NADSYN1: variants seen among roughly 807,000 people sequenced by gnomAD.
The protein encoded by NADSYN1 is NAD synthetase 1.
NADSYN1 carries 80 observed loss-of-function variants against 99.3 expected under a neutral mutation model. The ratio of observed to expected loss-of-function variants is 0.81; its 90% CI spans 0.67 to 0.97. The LOEUF (loss-of-function observed/expected upper bound fraction) is 0.97. Ranked by LOEUF, NADSYN1 falls within the 50% of genes least tolerant of loss-of-function variation. The pLI, the probability that NADSYN1 is intolerant of heterozygous loss-of-function variation, is 0.00. For synonymous variants in NADSYN1, 385 were observed against 372.1 expected (o/e 1.03, Z -0.40); for missense variants, 859 against 948.5 (o/e 0.91, Z 1.24).
At chr11:71,457,360 G>A (rs935404859) in intron 2 of NADSYN1, among the ~76,000 whole-genome samples, 2 of 152,248 alleles carry the variant, frequency 1.3e-5, no homozygotes, top group Admixed American at 1.3e-4. Flanking sequence ...TGGGGTTTAT[G>A]CAGGTGTGTG....
At chr11:71,454,310 C>T (rs1949499304) in intron 1 of NADSYN1, among the ~76,000 whole-genome samples, 1 of 152,232 alleles carries the variant, frequency 6.6e-6, no homozygotes, top group Non-Finnish European at 1.5e-5. Context: ...CTCCTGGGCT[C>T]AAGCGATTCT....
rs1272590102 is a variant in NADSYN1 at position 71,474,428 on chromosome 11, G to A, written c.700G>A (p.Gly234Ser). Residue 234 changes from glycine to serine, a missense_variant, in exon 9 of 21, where the codon GGT (glycine) becomes AGT (serine). By Grantham distance (56) the Gly-to-Ser change is moderately conservative (BLOSUM62 0). Transcript: ENST00000319023. ...GGIYLLANQK[G>S]CDGDRLYYDG... ...GATTTACTTGCTGGCCAACCAGAAG[G>A]GTTGTGACGGGGACCGCCTGTACTA... 2.5e-6 allele frequency: 4 copies of A among 1,614,198 alleles called. No homozygotes were observed. Among genetic ancestry groups the A allele is most frequent in the East Asian group, 2.2e-5 (1 of 44,876 alleles).
intron 16 of NADSYN1, among the ~76,000 whole-genome samples, chr11:71,489,954 T>C (rs1402086330): frequency 6.6e-6 from 1 of 152,164 alleles, no homozygotes; most frequent in African/African-American, 2.4e-5. Context: ...CCTGGAGGCC[T>C]GCACCAGCGT....
intron 15 of NADSYN1, chr11:71,485,321 G>A: frequency 2.8e-6 from 1 of 361,784 alleles, no homozygotes. Flanking sequence ...TCCCATCTTT[G>A]AAGGCAAGGC....
At chr11:71,476,904 C>T (rs1198737688) in intron 9 of NADSYN1, 5 of 987,146 alleles carry the variant, frequency 5.1e-6, no homozygotes, top group Non-Finnish European at 6.0e-6. Flanking sequence ...ATCCGGGAGC[C>T]GTTGCCTTAC....
intron 3 of NADSYN1, among the ~76,000 whole-genome samples, chr11:71,461,578 A>G (rs1315848601): frequency 6.6e-6 from 1 of 151,908 alleles, no homozygotes; most frequent in East Asian, 1.9e-4. Flanking sequence ...ACAGGCATGC[A>G]CCACCACACC....
Position 71,453,224 on chromosome 11 carries a change from C to A in NADSYN1, c.-73C>A. On this transcript the variant is annotated 5_prime_UTR_variant, in exon 1 of 21. Coordinates refer to ENST00000319023, the MANE Select transcript of NADSYN1 (RefSeq NM_018161.5). Reference sequence around the variant, plus strand: ...GGGCAACCCGGAAGGTCCGGCGTCCCAGCCGCCTACCTCGCTGGGACCCTG... The same window carrying A: ...GGGCAACCCGGAAGGTCCGGCGTCCAAGCCGCCTACCTCGCTGGGACCCTG... 1 of 1,398,544 alleles carries A rather than the reference C, an allele frequency of 7.2e-7. No individual in the cohort carries two copies. Among genetic ancestry groups the A allele is most frequent in the Admixed American group, 1.9e-5 (1 of 51,946 alleles). 86.6% of individuals were successfully genotyped at this position (1,398,544 alleles called of 1,614,324 possible).
chr11:71,491,182 C>T (rs1949776427), intron 17 of NADSYN1, among the ~76,000 whole-genome samples: 1 of 152,238 alleles, frequency 6.6e-6, no homozygotes, highest in Admixed American at 6.5e-5. Flanking sequence ...GGCCAGATCA[C>T]GGAGCTGTGG....
At chr11:71,469,658 C>T (rs1164374847) in intron 5 of NADSYN1, among the ~76,000 whole-genome samples, 1 of 152,218 alleles carries the variant, frequency 6.6e-6, no homozygotes, top group Non-Finnish European at 1.5e-5. Flanking sequence ...TTCAGGAACG[C>T]CTTAAGTGGT....
At chr11:71,476,556 C>T (rs1028514347) in intron 9 of NADSYN1, 23 of 634,598 alleles carry the variant, frequency 3.6e-5, no homozygotes, top group African/African-American at 2.9e-4. Flanking sequence ...GTTTCTTGCA[C>T]GGGGGCAGGC....
chr11:71,487,830 C>CAAA lies in NADSYN1; in HGVS notation c.1562+2200_1562+2202dup, dbSNP rs71049984. ...TGGGCGACAGAGCAAGACTCCGTCT[C>CAAA]AAAAAAAAAAAAAAAAAAAAGAAAA... On this transcript the variant is annotated intron_variant, in intron 16 of 20. Transcript: ENST00000319023. Among the ~76,000 whole-genome samples, 63 of 80,084 alleles carry CAAA rather than the reference C, an allele frequency of 7.9e-4. 2 individuals are homozygous for CAAA. The highest frequency in any genetic ancestry group is 1.8e-3 in the Admixed American group (11 of 6,244). The allele number at this position is 80,084 out of a possible 152,430, so 52.5% of individuals were successfully genotyped here.
In NADSYN1 at chr11:71,455,175, G is replaced by C; in HGVS notation, c.146+5G>C. 1 of 1,612,616 alleles carries C rather than the reference G, an allele frequency of 6.2e-7. No individual in the cohort carries two copies. Among genetic ancestry groups the C allele is most frequent in the Non-Finnish European group, 8.5e-7 (1 of 1,179,356 alleles). The stretch of plus-strand genomic sequence containing the variant: ...TGGACCAGAGCTGGAAATATGGTGA[G>C]AACAGACACAGACACCCTGGGGTCG... On this transcript the variant is annotated splice_donor_5th_base_variant and intron_variant, in intron 2 of 20. Transcript: ENST00000319023.
At chr11:71,473,418 T>G (rs1340260255) in intron 7 of NADSYN1, 52 bp downstream of exon 7, 1 of 1,580,198 alleles carries the variant, frequency 6.3e-7, no homozygotes, top group East Asian at 2.2e-5. Flanking sequence ...ATGGGCCAGC[T>G]GGGAGGACCT....
rs76843762 is a variant in NADSYN1, at chr11:71,489,216, G to A, written c.1563-1629G>A. On this transcript the variant is annotated intron_variant, in intron 16 of 20. Coordinates refer to ENST00000319023, the MANE Select transcript of NADSYN1 (RefSeq NM_018161.5). ...TGGGGGAAAGGTCCATGCAGAGTGC[G>A]AGAGGAGGGGACAGCTGCTGGAACT... Among the ~76,000 whole-genome samples the A allele has an allele frequency of 3.6e-3, 550 of 152,168 alleles. 7 individuals are homozygous for A. The highest frequency in any genetic ancestry group is 0.013 in the African/African-American group (536 of 41,518).
At chr11:71,491,955 G>A (rs1949782637) in intron 18 of NADSYN1, 52 bp downstream of exon 18, 2 of 1,529,818 alleles carry the variant, frequency 1.3e-6, no homozygotes, top group Non-Finnish European at 1.8e-6. Context: ...CCCACCTCCT[G>A]TGTGGTGGTG....
intron 20 of NADSYN1, chr11:71,499,326 G>A (rs1419753610): frequency 6.6e-6 from 1 of 152,234 alleles, no homozygotes; most frequent in Non-Finnish European, 1.5e-5. Flanking sequence ...CTGGATCGCA[G>A]GGTAGTTCTA....
chr11:71,485,743 C>A, intron 16 of NADSYN1, 95 bp downstream of exon 16: 1 of 956,476 alleles, frequency 1.0e-6, no homozygotes, highest in Non-Finnish European at 1.5e-6. Flanking sequence ...CTGTGCCTTT[C>A]ATGGCGGGTT....
At chr11:71,501,175 G>T in intron 20 of NADSYN1, 127 bp from the exon 21 acceptor site, 1 of 854,214 alleles carries the variant, frequency 1.2e-6, no homozygotes, top group South Asian at 2.0e-5. Flanking sequence ...CCAGCATCTG[G>T]TGGGGACTCT....
At chr11:71,472,793 C>T (rs781143659) in intron 6 of NADSYN1, among the ~76,000 whole-genome samples, 3 of 152,222 alleles carry the variant, frequency 2.0e-5, no homozygotes, top group Admixed American at 6.5e-5. Context: ...CTTCTCCATC[C>T]CCAGGGGCTA....
Sources: allele counts gnomAD v4.1 joint callset (sites outside exome capture counted in the v4.1 genomes callset), GRCh38; gene constraint gnomAD v4.1.1; transcripts MANE v1.5; gene names NCBI Gene and HGNC (gene_info 2026-07-23, HGNC 2026-07-21).